TAFA2: variants seen among roughly 807,000 people sequenced by gnomAD.
TAFA2 encodes the protein TAFA chemokine like family member 2.
A neutral mutation model predicts 18.8 loss-of-function variants in TAFA2; 7 were observed. That is an observed-to-expected ratio of 0.37 (90% CI 0.21 to 0.70). The LOEUF (loss-of-function observed/expected upper bound fraction) is 0.70. Ranked by LOEUF, TAFA2 falls within the 30% of genes least tolerant of loss-of-function variation. The pLI, the probability that TAFA2 is intolerant of heterozygous loss-of-function variation, is 0.53. For missense variants in TAFA2, 122 were observed against 158.1 expected, an observed-to-expected ratio of 0.77 and a Z score of 1.23; for synonymous variants, 60 against 54.2, an observed-to-expected ratio of 1.11 and a Z score of -0.47.
rs1357905230 is a variant in TAFA2 at position 61,715,213 on chromosome 12, G to A, written c.385-4796C>T. Among the ~76,000 whole-genome samples, 4 of 152,082 alleles carry A rather than the reference G, an allele frequency of 2.6e-5. No homozygotes were observed. In the East Asian group the frequency reaches 7.7e-4, roughly 29 times the overall value. On this transcript the variant is annotated intron_variant, in intron 4 of 4. Coordinates refer to ENST00000416284, the MANE Select transcript of TAFA2 (RefSeq NM_178539.5). Reference sequence around the variant, plus strand: ...GACTTAATTTTCTGTTGCTTATAGTGATTCATCTTGCAATTATTTCTTTTC... The same window carrying A: ...GACTTAATTTTCTGTTGCTTATAGTAATTCATCTTGCAATTATTTCTTTTC...
At chr12:62,184,255 T>C (rs1253193877) in intron 1 of TAFA2, among the ~76,000 whole-genome samples, 1 of 152,110 alleles carries the variant, frequency 6.6e-6, no homozygotes, top group African/African-American at 2.4e-5. Flanking sequence ...CAATCATCAG[T>C]CTAAAAGGGG....
chr12:62,102,215 C>G (rs1239390088), intron 1 of TAFA2, among the ~76,000 whole-genome samples: 1 of 152,142 alleles, frequency 6.6e-6, no homozygotes, highest in Admixed American at 6.5e-5. Context: ...GGGAGATTCA[C>G]TAGAATGTTA....
At chr12:61,795,581 G>T (rs1871156489) in intron 2 of TAFA2, among the ~76,000 whole-genome samples, 1 of 151,902 alleles carries the variant, frequency 6.6e-6, no homozygotes. Flanking sequence ...GGCCTGTTGG[G>T]TGGGGGAGGA....
intron 2 of TAFA2, among the ~76,000 whole-genome samples, chr12:61,855,835 C>A (rs1462633359): frequency 1.3e-5 from 2 of 151,926 alleles, no homozygotes; most frequent in Middle Eastern, 3.2e-3. Context: ...AAACAGCTTG[C>A]CTGATACAGA....
rs35419865 is a variant in TAFA2, at chr12:61,997,167, ATGTG to A, written c.-1-129745_-1-129742del. Among the ~76,000 whole-genome samples, 22 of 145,642 alleles carry A rather than the reference ATGTG, an allele frequency of 1.5e-4. 1 individual carries two copies. The highest frequency in any genetic ancestry group is 2.6e-4 in the Non-Finnish European group (17 of 66,510). ...GATACATACTAGACTATATGTATAT[ATGTG>A]TGTGTGTGTGTGTGTGTGTGTATAT... On this transcript the variant is annotated intron_variant, in intron 1 of 4. Transcript: ENST00000416284.
intron 1 of TAFA2, chr12:62,021,571 G>A (rs1486361935): frequency 2.7e-5 from 22 of 820,672 alleles, no homozygotes; most frequent in South Asian, 1.7e-4. Flanking sequence ...ACCCTGTTAC[G>A]CTGTGGGGAC....
chr12:62,199,596 A>G (rs11174367), intron 1 of TAFA2, among the ~76,000 whole-genome samples: 25,572 of 150,852 alleles, frequency 0.17, 2,340 homozygotes, highest in African/African-American at 0.25. Flanking sequence ...ATGTGTGTGT[A>G]TATATATATA....
chr12:62,234,809 T>C lies in TAFA2; in HGVS notation c.-130+23954A>G. 5 of 1,022,206 alleles carry C rather than the reference T, an allele frequency of 4.9e-6. 1 individual carries two copies. In the South Asian group the frequency reaches 5.0e-5, roughly 10 times the overall value. 63.3% of individuals were successfully genotyped at this position (1,022,206 alleles called of 1,614,324 possible). A position where few individuals can be genotyped will look rare whatever the true frequency, so the allele number is the denominator to read the frequency against. On this transcript the variant is annotated intron_variant, in intron 1 of 5. Transcript: ENST00000551619. ...GATGCTCCGGTAGGAATGGGCCTGC[T>C]TGGGAGTCTGGCTGACTTACGAGAG... is the stretch of plus-strand genomic sequence containing the variant.
At chr12:62,103,808 G>A (rs1164928201) in intron 1 of TAFA2, among the ~76,000 whole-genome samples, 1 of 151,352 alleles carries the variant, frequency 6.6e-6, no homozygotes, top group Non-Finnish European at 1.5e-5. Flanking sequence ...GGGGCAGGAT[G>A]GTATGCATTG....
intron 1 of TAFA2, among the ~76,000 whole-genome samples, chr12:62,098,315 T>G (rs1592333746): frequency 6.6e-6 from 1 of 152,128 alleles, no homozygotes; most frequent in Non-Finnish European, 1.5e-5. Context: ...AGCTTTCTCA[T>G]CATCTCAACA....
At chr12:62,167,831 T>C (rs1157126080) in intron 1 of TAFA2, among the ~76,000 whole-genome samples, 1 of 152,134 alleles carries the variant, frequency 6.6e-6, no homozygotes, top group Non-Finnish European at 1.5e-5. Flanking sequence ...TGAATCATCT[T>C]GTCATATTAA....
intron 2 of TAFA2, among the ~76,000 whole-genome samples, chr12:61,805,442 T>C (rs1240696746): frequency 1.3e-5 from 2 of 152,128 alleles, no homozygotes; most frequent in Non-Finnish European, 2.9e-5. Context: ...AATATATTTA[T>C]ATTTTTCATT....
chr12:62,030,775 T>TTTG (rs142952343), intron 1 of TAFA2, among the ~76,000 whole-genome samples: 3,557 of 151,826 alleles, frequency 0.023, 135 homozygotes, highest in African/African-American at 0.08. Flanking sequence ...GAAACAGAGG[T>TTTG]TTGTTGTTGT....
intron 2 of TAFA2, among the ~76,000 whole-genome samples, chr12:61,828,924 C>T (rs1872619096): frequency 6.6e-6 from 1 of 151,686 alleles, no homozygotes; most frequent in South Asian, 2.1e-4. Flanking sequence ...TTCCACTGAG[C>T]TCTGAGTAAT....
At chr12:62,010,264 G>A (rs1041114891) in intron 1 of TAFA2, among the ~76,000 whole-genome samples, 4 of 143,772 alleles carry the variant, frequency 2.8e-5, no homozygotes, top group Non-Finnish European at 4.5e-5. Flanking sequence ...TCCCTGCCCC[G>A]GGCTCCCGTG....
chr12:61,744,985 A>G (rs756766265), intron 4 of TAFA2, among the ~76,000 whole-genome samples: 32 of 152,198 alleles, frequency 2.1e-4, no homozygotes, highest in Admixed American at 1.7e-3. Context: ...AAAACTTAAC[A>G]TTAGTATAGT....
chr12:61,822,900 A>G (rs1872378960), intron 2 of TAFA2, among the ~76,000 whole-genome samples: 3 of 152,188 alleles, frequency 2.0e-5, no homozygotes, highest in Non-Finnish European at 1.5e-5. Context: ...CCAGGAAAGG[A>G]AAAAGAGTCA....
intron 1 of TAFA2, among the ~76,000 whole-genome samples, chr12:61,947,233 C>T (rs923416562): frequency 1.4e-5 from 2 of 146,880 alleles, no homozygotes; most frequent in African/African-American, 5.1e-5. Context: ...CGCATATTCT[C>T]ACTCATAGGT....
intron 1 of TAFA2, chr12:62,021,929 G>A: frequency 1.4e-6 from 1 of 731,200 alleles, no homozygotes; most frequent in Non-Finnish European, 2.6e-6. Context: ...ATGATGAATT[G>A]CAACACACCA....
Sources: gnomAD v4.1 joint callset for allele counts (sites outside exome capture counted in the v4.1 genomes callset) on GRCh38, gnomAD v4.1.1 for gene constraint, MANE v1.5 for transcripts, NCBI Gene and HGNC (gene_info 2026-07-23, HGNC 2026-07-21) for gene names.